The following LRRC34 variants were observed in gnomAD, a reference collection of about 807,000 sequenced individuals.
LRRC34 encodes leucine-rich repeat-containing protein 34.
Under a neutral mutation model 48.5 loss-of-function variants are expected in LRRC34, and 44 were observed. That is an observed-to-expected ratio of 0.91 (90% CI 0.71 to 1.17). LRRC34 has a LOEUF of 1.17. LRRC34 is among the 50% of genes most tolerant of loss of function. The pLI is 0.00. For synonymous variants in LRRC34, 192 were observed against 197.6 expected (o/e 0.97, Z 0.24); for missense variants, 502 against 563.0 (o/e 0.89, Z 1.10).
At chr3:169,798,095 A>G (rs190034002) in intron 7 of LRRC34, among the ~76,000 whole-genome samples, 6 of 152,310 alleles carry the variant, frequency 3.9e-5, no homozygotes, top group Non-Finnish European at 7.4e-5. Flanking sequence ...AAGGGATGCT[A>G]TGTAGTCTAG....
intron 7 of LRRC34, among the ~76,000 whole-genome samples, chr3:169,799,850 T>C (rs1218013521): frequency 6.6e-6 from 1 of 152,012 alleles, no homozygotes; most frequent in African/African-American, 2.4e-5. Flanking sequence ...GTAGCTGGGA[T>C]TACAGGCACC....
At chr3:169,804,019 A>G in intron 6 of LRRC34, 34 bp downstream of exon 6, 1 of 1,531,070 alleles carries the variant, frequency 6.5e-7, no homozygotes, top group Non-Finnish European at 8.8e-7. Flanking sequence ...ATGACCCACT[A>G]TCTGGATGAT....
intron 9 of LRRC34, 96 bp downstream of exon 9, chr3:169,796,118 C>A: frequency 7.1e-7 from 1 of 1,416,014 alleles, no homozygotes; most frequent in Non-Finnish European, 9.2e-7. Context: ...GCTGAGTTTT[C>A]ATATTTCATT....
chr3:169,807,329 C>T, intron 4 of LRRC34, 97 bp downstream of exon 4: 1 of 1,186,744 alleles, frequency 8.4e-7, no homozygotes. Context: ...AGTCAGGACC[C>T]TTGACATCAG....
At chr3:169,809,958 C>A in intron 1 of LRRC34, among the ~76,000 whole-genome samples, 1 of 138,240 alleles carries the variant, frequency 7.2e-6, no homozygotes. Context: ...TTGGAAATTT[C>A]TTTTTTTTTT....
rs139264744 is a variant in LRRC34, at chr3:169,803,396, C to G, written c.657+657G>C. Among the ~76,000 whole-genome samples the G allele has an allele frequency of 1.9e-3, 283 of 152,262 alleles. 2 individuals are homozygous for G. Among genetic ancestry groups the G allele is most frequent in the African/African-American group, 6.7e-3 (279 of 41,550 alleles). On this transcript the variant is annotated intron_variant, in intron 6 of 10. Transcript: ENST00000446859. ...CGCCCAGCTTCAGAGCAGCTTTTAG[C>G]ATCATCATTTTAAGTTTTTGTGCTA...
In LRRC34 at chr3:169,812,435, C is replaced by T; in HGVS notation, c.114G>A (p.Pro38=). The T allele has an allele frequency of 2.0e-6, 3 of 1,530,068 alleles. No homozygotes were observed. Among genetic ancestry groups the T allele is most frequent in the South Asian group, 2.4e-5 (2 of 83,824 alleles). 94.8% of individuals were successfully genotyped at this position (1,530,068 alleles called of 1,614,324 possible). A position where few individuals can be genotyped will look rare whatever the true frequency, so the allele number is the denominator to read the frequency against. The change falls in exon 1 of 11, where the codon CCG becomes CCA. Residue 38 remains proline, a synonymous_variant. Transcript: ENST00000446859. This position sits in a 1 kb window ranked among gnomAD's most constrained non-coding sequence, Gnocchi z 4.3. ...CGCGCTGGACCGCCAGGGCCGCGCC[C>T]GGAGTACTGGCCTGAGTGGAGGCCC... ...PAWASTQAST[P]GAALAVQRES...
intron 1 of LRRC34, among the ~76,000 whole-genome samples, chr3:169,811,414 A>T (rs1779563804): frequency 6.6e-6 from 1 of 152,228 alleles, no homozygotes; most frequent in Non-Finnish European, 1.5e-5. Context: ...CCTTCCTTTG[A>T]TTTAAAATTC....
chr3:169,807,010 C>T, intron 4 of LRRC34, 79 bp from the exon 5 acceptor site: 7 of 732,150 alleles, frequency 9.6e-6, no homozygotes, highest in African/African-American at 1.8e-5. Context: ...TACATATACA[C>T]ATACAGTATA....
chr3:169,807,254 C>A (rs1779410638), intron 4 of LRRC34, among the ~76,000 whole-genome samples, 172 bp downstream of exon 4: 1 of 152,172 alleles, frequency 6.6e-6, no homozygotes, highest in South Asian at 2.1e-4. Flanking sequence ...GGAGCTCTAG[C>A]TACTGGCTCC....
In LRRC34 at chr3:169,795,583, C is replaced by G; in HGVS notation, c.1093G>C (p.Gly365Arg). The G allele has an allele frequency of 6.2e-7, 1 of 1,612,028 alleles. No individual in the cohort carries two copies. Among genetic ancestry groups the G allele is most frequent in the Non-Finnish European group, 8.5e-7 (1 of 1,178,662 alleles). Reference protein sequence around the residue: ...ALSVVSNNIEGEGLVALSQSM... With the variant: ...ALSVVSNNIEREGLVALSQSM... Reference sequence around the variant, plus strand: ...TGTGAAAGTGCAACAAGTCCTTCTCCCTCTATGTTGTTGCTGACTACTGAC... The same window carrying G: ...TGTGAAAGTGCAACAAGTCCTTCTCGCTCTATGTTGTTGCTGACTACTGAC... The change falls in exon 10 of 11, where the codon GGA becomes CGA. Residue 365 changes from glycine to arginine, a missense_variant. Physicochemically the swap from Gly to Arg is moderately radical, Grantham distance 125. Coordinates refer to ENST00000446859, the MANE Select transcript of LRRC34 (RefSeq NM_001172779.2).
At chr3:169,808,533 T>G in intron 2 of LRRC34, 95 bp downstream of exon 2, 2 of 713,146 alleles carry the variant, frequency 2.8e-6, no homozygotes, top group South Asian at 3.6e-5. Context: ...CCAAGCATTT[T>G]CAAATGGCTA....
chr3:169,806,724 A>AT (rs1779388045), intron 5 of LRRC34, 124 bp downstream of exon 5: 1 of 577,150 alleles, frequency 1.7e-6, no homozygotes, highest in Non-Finnish European at 3.0e-6. Context: ...TTAAAGTATA[A>AT]TAAAAATATA....
intron 7 of LRRC34, among the ~76,000 whole-genome samples, chr3:169,799,623 C>T (rs1779119281): frequency 2.6e-5 from 4 of 152,198 alleles, no homozygotes; most frequent in Admixed American, 2.6e-4. Flanking sequence ...TGCCACCGCA[C>T]TCCAGCCTGG....
chr3:169,793,605 G>C lies in LRRC34; in HGVS notation c.*30C>G, dbSNP rs1473099376. On this transcript the variant is annotated 3_prime_UTR_variant, in exon 11 of 11. Transcript: ENST00000446859. ...TAATCTCTGTGAAACAATAAGACAA[G>C]TGTATGAAAATTATTTTACAGCTAC... The C allele has an allele frequency of 2.0e-6, 3 of 1,475,400 alleles. No individual in the cohort carries two copies. The highest frequency in any genetic ancestry group is 1.2e-5 in the South Asian group (1 of 86,140). 91.4% of individuals were successfully genotyped at this position (1,475,400 alleles called of 1,614,324 possible).
intron 10 of LRRC34, 181 bp from the exon 11 acceptor site, chr3:169,794,019 A>G: frequency 2.0e-6 from 1 of 502,472 alleles, no homozygotes; most frequent in East Asian, 3.2e-5. Context: ...TATTCATTTA[A>G]TTACACAGAA....
chr3:169,812,158 C>T lies in LRRC34; in HGVS notation c.139+252G>A, dbSNP rs536848598. On this transcript the variant is annotated intron_variant, in intron 1 of 10. Coordinates refer to ENST00000446859, the MANE Select transcript of LRRC34 (RefSeq NM_001172779.2). This position sits in a 1 kb window ranked among gnomAD's most constrained non-coding sequence, Gnocchi z 4.3. The stretch of plus-strand genomic sequence containing the variant: ...TCTGCACAACCTATCGCGCAAAGGG[C>T]GGACCCACGGGAACTCCTCTCCGTG... Among the ~76,000 whole-genome samples the T allele has an allele frequency of 6.6e-6, 1 of 151,468 alleles. No homozygotes were observed. The highest frequency in any genetic ancestry group is 2.1e-4 in the South Asian group (1 of 4,794).
chr3:169,806,733 T>C, intron 5 of LRRC34, 115 bp downstream of exon 5: 2 of 587,976 alleles, frequency 3.4e-6, no homozygotes, highest in South Asian at 2.8e-5. Flanking sequence ...AATAAAAATA[T>C]ACATTCCTAC....
At position 169,807,655 on chromosome 3, in the gene LRRC34, T is replaced by C. The variant is rs141500194; in HGVS notation, c.312A>G (p.Val104=). 1 of 1,607,718 alleles carries C rather than the reference T, an allele frequency of 6.2e-7. No individual in the cohort carries two copies. Among genetic ancestry groups the C allele is most frequent in the African/African-American group, 1.4e-5 (1 of 72,898 alleles). The change falls in exon 3 of 11, where the codon GTA becomes GTG. Residue 104 remains valine, a synonymous_variant. Transcript: ENST00000446859. ...AAAAATCTTCACCTGTAACTCTTTC[T>C]ACTGGCACTAAGCGATTGTTACCAG... ...NIAGNNRLVP[V]ERVTGEDFWI...
Sources: gnomAD v4.1 joint callset for allele counts (sites outside exome capture counted in the v4.1 genomes callset) on GRCh38, gnomAD v4.1.1 for gene constraint, Gnocchi (gnomAD v3.1) non-coding constraint, MANE v1.5 for transcripts, NCBI Gene and HGNC (gene_info 2026-07-23, HGNC 2026-07-21) for gene names.